DNAAF9: variants seen among roughly 807,000 people sequenced by gnomAD.
The protein encoded by DNAAF9 is dynein axonemal assembly factor 9.
In DNAAF9, 90 loss-of-function variants were observed where a neutral mutation model predicts 167.0. That is an observed-to-expected ratio of 0.54 (90% CI 0.45 to 0.64). DNAAF9 has a LOEUF of 0.64. DNAAF9 is among the 30% of genes least tolerant of loss of function. DNAAF9 has a pLI of 0.00. For missense variants in DNAAF9, 1,315 were observed against 1,442.2 expected, an observed-to-expected ratio of 0.91 and a Z score of 1.43; for synonymous variants, 491 against 508.8, an observed-to-expected ratio of 0.96 and a Z score of 0.47.
chr20:3,261,438 G>A (rs1385923929), intron 31 of DNAAF9, among the ~76,000 whole-genome samples: 4 of 151,562 alleles, frequency 2.6e-5, no homozygotes, highest in South Asian at 2.1e-4. Flanking sequence ...GCACGATCTC[G>A]GCTCACTGCA....
chr20:3,322,739 T>C (rs760901025), intron 14 of DNAAF9, 43 bp from the exon 15 acceptor site: 2 of 1,441,296 alleles, frequency 1.4e-6, no homozygotes, highest in Non-Finnish European at 9.8e-7. Flanking sequence ...AGTCTGCTCC[T>C]GCTCCTCAGA....
intron 16 of DNAAF9, among the ~76,000 whole-genome samples, chr20:3,319,092 A>G (rs1242321649): frequency 3.3e-5 from 4 of 122,034 alleles, no homozygotes; most frequent in Non-Finnish European, 7.8e-5. Flanking sequence ...CAAAAAAAAA[A>G]AAAAAAAAAA....
chr20:3,289,073 C>A (rs914878416), intron 26 of DNAAF9, among the ~76,000 whole-genome samples: 1 of 152,150 alleles, frequency 6.6e-6, no homozygotes, highest in Non-Finnish European at 1.5e-5. Context: ...AAGCTGGGTG[C>A]ACAGTAGCGT....
intron 24 of DNAAF9, 135 bp from the exon 25 acceptor site, chr20:3,294,391 TAC>T: frequency 1.3e-6 from 1 of 794,260 alleles, no homozygotes; most frequent in South Asian, 1.6e-5. Flanking sequence ...TAAAATTGTG[TAC>T]AGTGTGTTAC....
chr20:3,332,900 G>GTGTGTGGTGTGTGTGTGT (rs1376871054), intron 10 of DNAAF9, among the ~76,000 whole-genome samples: 3 of 146,840 alleles, frequency 2.0e-5, no homozygotes, highest in African/African-American at 7.5e-5. Flanking sequence ...GTGTGCGTGT[G>GTGTGTGGTGTGTGTGTGT]GTGTGTGTGT....
chr20:3,371,755 G>C (rs2083513909), intron 6 of DNAAF9, among the ~76,000 whole-genome samples: 1 of 152,034 alleles, frequency 6.6e-6, no homozygotes, highest in Non-Finnish European at 1.5e-5. Context: ...TCAATATGAA[G>C]ATCTATTTGT....
At chr20:3,287,367 G>A (rs189515348) in intron 27 of DNAAF9, among the ~76,000 whole-genome samples, 100 of 152,338 alleles carry the variant, frequency 6.6e-4, no homozygotes, top group Non-Finnish European at 1.1e-3. Context: ...AATTCCCAAT[G>A]AATCTTGCCA....
chr20:3,298,072 G>C lies in DNAAF9; in HGVS notation c.1886C>G (p.Ala629Gly), dbSNP rs1203353854. Reference protein sequence around the residue: ...FHGSSNFLMIALFPKSKIYQA... With the variant: ...FHGSSNFLMIGLFPKSKIYQA... ...GTATATCTTCGATTTGGGGAAAAGG[G>C]CAATCATCAGAAAATTGCTTGATCC... Residue 629 changes from alanine (A) to glycine (G), a missense_variant, in exon 22 of 37, where the codon GCC becomes GGC. Around this residue, in one of 2 missense-constraint regions of DNAAF9, gnomAD observed 981 missense variants for 1,012.5 expected, o/e 0.97. Transcript: ENST00000252032. 2 of 1,612,678 alleles carry C rather than the reference G, an allele frequency of 1.2e-6. No homozygotes were observed. Among genetic ancestry groups the C allele is most frequent in the Non-Finnish European group, 1.7e-6 (2 of 1,178,782 alleles).
At chr20:3,398,230 T>G (rs1023822255) in intron 1 of DNAAF9, among the ~76,000 whole-genome samples, 7 of 152,288 alleles carry the variant, frequency 4.6e-5, no homozygotes, top group Admixed American at 3.9e-4. Context: ...AACCAGGTAG[T>G]GAGAAGCAGA....
At chr20:3,254,345 C>T (rs1396961263) in intron 35 of DNAAF9, among the ~76,000 whole-genome samples, 1 of 152,198 alleles carries the variant, frequency 6.6e-6, no homozygotes, top group African/African-American at 2.4e-5. Flanking sequence ...TCCCAAAGTG[C>T]TGGGATTACA....
Position 3,382,481 on chromosome 20 carries a change from T to G in DNAAF9, c.109A>C (p.Ser37Arg). The G allele has an allele frequency of 6.2e-7, 1 of 1,613,872 alleles. No homozygotes were observed. Among genetic ancestry groups the G allele is most frequent in the Non-Finnish European group, 8.5e-7 (1 of 1,179,832 alleles). ...VSCSRLRQVQ[S>R]ILTQSSKSRP... ...GACTTGCTGCTCTGGGTCAGGATGC[T>G]CTGAACCTGCCGAAGTCGACTGCAG... Residue 37 changes from serine to arginine, a missense_variant, in exon 2 of 37, where the codon AGC (serine) becomes CGC (arginine). Ser to Arg is a moderately radical substitution (Grantham distance 110). This residue lies in a region of DNAAF9 where 981 missense variants were observed against 1,012.5 expected (regional missense o/e 0.97). Coordinates refer to ENST00000252032, the MANE Select transcript of DNAAF9 (RefSeq NM_001009984.3).
chr20:3,292,089 C>T (rs2068966557), intron 25 of DNAAF9, among the ~76,000 whole-genome samples: 1 of 151,956 alleles, frequency 6.6e-6, no homozygotes, highest in African/African-American at 2.4e-5. Flanking sequence ...ACCTCCGCCT[C>T]CCGGGTTCAC....
chr20:3,290,530 T>G (rs1448800124), intron 25 of DNAAF9, among the ~76,000 whole-genome samples: 1 of 152,202 alleles, frequency 6.6e-6, no homozygotes, highest in Non-Finnish European at 1.5e-5. Flanking sequence ...ATAGATTAGT[T>G]AAAATACAAT....
At chr20:3,350,113 CCAGACTAT>C (rs1461116914) in intron 7 of DNAAF9, among the ~76,000 whole-genome samples, 1 of 146,734 alleles carries the variant, frequency 6.8e-6, no homozygotes, top group African/African-American at 2.5e-5. Context: ...TACTTGCTGC[CCAGACTAT>C]CAGACACACA....
intron 26 of DNAAF9, 92 bp downstream of exon 26, chr20:3,290,037 C>A (rs535032176): frequency 5.1e-6 from 4 of 789,740 alleles, no homozygotes; most frequent in South Asian, 2.9e-5. Flanking sequence ...ACCAGTCCCA[C>A]CAAGGCCAGT....
intron 20 of DNAAF9, among the ~76,000 whole-genome samples, chr20:3,314,023 T>A (rs1391887826): frequency 6.6e-6 from 1 of 152,188 alleles, no homozygotes; most frequent in East Asian, 1.9e-4. Context: ...CTGTTTTTCC[T>A]CTTTGTGAAC....
chr20:3,259,530 C>T lies in DNAAF9; in HGVS notation c.3005G>A (p.Ser1002Asn). The stretch of plus-strand genomic sequence containing the variant: ...GTGGTAGATGTTTCCGGAGAAGGGA[C>T]TTGGCTTGATGGAGGACTGAATTGC... ...CKAIQSSIKP[S>N]PFSGNIYHIL... Residue 1002 changes from serine to asparagine, a missense_variant, in exon 33 of 37, where the codon AGT (serine) becomes AAT (asparagine). Ser to Asn is a conservative substitution (Grantham distance 46). Around this residue, in one of 2 missense-constraint regions of DNAAF9, gnomAD observed 334 missense variants for 429.7 expected, o/e 0.78. Coordinates refer to ENST00000252032, the MANE Select transcript of DNAAF9 (RefSeq NM_001009984.3). The T allele has an allele frequency of 6.2e-7, 1 of 1,612,822 alleles. No individual in the cohort carries two copies.
chr20:3,274,604 A>C (rs571228445), intron 29 of DNAAF9, among the ~76,000 whole-genome samples: 2 of 152,336 alleles, frequency 1.3e-5, no homozygotes, highest in East Asian at 3.9e-4. Flanking sequence ...GAAACCAAAT[A>C]TCCTCCTCTG....
At chr20:3,349,193 AAAAAAAAAAAC>A (rs1253519568) in intron 7 of DNAAF9, among the ~76,000 whole-genome samples, 3 of 58,868 alleles carry the variant, frequency 5.1e-5, no homozygotes, top group African/African-American at 1.3e-4. Context: ...CGTCTCTACC[AAAAAAAAAAAC>A]AAAAAAAAAA....
Sources: allele counts gnomAD v4.1 joint callset (sites outside exome capture counted in the v4.1 genomes callset), GRCh38; gene constraint gnomAD v4.1.1; regional missense constraint gnomAD v4.1.1; transcripts MANE v1.5; gene names NCBI Gene and HGNC (gene_info 2026-07-23, HGNC 2026-07-21).